The following DNAH1 variants were observed in gnomAD, a reference collection of about 807,000 sequenced individuals.
DNAH1 encodes the protein dynein axonemal heavy chain 1, also known as axonemal beta dynein heavy chain 1.
A neutral mutation model predicts 484.3 loss-of-function variants in DNAH1; 327 were observed. That is an observed-to-expected ratio of 0.68 (90% CI 0.62 to 0.74). DNAH1 has a LOEUF of 0.74. Ranked by LOEUF, DNAH1 falls within the 30% of genes least tolerant of loss-of-function variation. The pLI is 0.00. For missense variants in DNAH1, 5,052 were observed against 5,546.8 expected, an observed-to-expected ratio of 0.91 and a Z score of 2.83; for synonymous variants, 2,192 against 2,191.9, an observed-to-expected ratio of 1.00 and a Z score of 0.00.
At chr3:52,385,945 T>G (rs1382427821) in intron 54 of DNAH1, among the ~76,000 whole-genome samples, 1 of 152,182 alleles carries the variant, frequency 6.6e-6, no homozygotes, top group Non-Finnish European at 1.5e-5. Context: ...TGTGGGGCAC[T>G]TACATCCAAA....
intron 70 of DNAH1, among the ~76,000 whole-genome samples, 199 bp from the exon 71 acceptor site, chr3:52,396,169 G>A (rs1032086694): frequency 1.3e-5 from 2 of 152,046 alleles, no homozygotes; most frequent in African/African-American, 2.4e-5. Flanking sequence ...TCCTGACCTC[G>A]TGATTCGCCT....
rs1306038000 is a variant in DNAH1, at chr3:52,344,658, C to T, written c.1444+11C>T. ...AGGTGCCTGAGCGAGGTGAGGGTCA[C>T]TGGACCAAGATGGGCTCCATGGCCA... On this transcript the variant is annotated intron_variant, in intron 9 of 77. Transcript: ENST00000420323. The T allele has an allele frequency of 1.9e-5, 31 of 1,610,178 alleles. No homozygotes were observed. Among genetic ancestry groups the T allele is most frequent in the Non-Finnish European group, 2.5e-5 (30 of 1,178,876 alleles).
Position 52,394,112 on chromosome 3 carries a change from G to A in DNAH1, c.10627-353G>A, listed in dbSNP as rs140768185. 3.8e-3 allele frequency among the ~76,000 whole-genome samples: 573 copies of A among 152,330 alleles called. 4 individuals are homozygous for A. The highest frequency in any genetic ancestry group is 0.023 in the South Asian group (112 of 4,828). The stretch of plus-strand genomic sequence containing the variant: ...ACTCTCATGAAGCCCTATGCATTTC[G>A]TGGTGCAGCGGAAAGCCCTGCCGAG... On this transcript the variant is annotated intron_variant, in intron 66 of 77. Transcript: ENST00000420323.
intron 3 of DNAH1, among the ~76,000 whole-genome samples, chr3:52,324,716 G>A (rs1036480827): frequency 5.9e-5 from 9 of 152,188 alleles, no homozygotes; most frequent in Admixed American, 2.0e-4. Flanking sequence ...AGTCTCACAA[G>A]TATCTGTGAC....
intron 54 of DNAH1, 105 bp downstream of exon 54, chr3:52,385,552 GCCTCCGTGTGCCCCAGCTT>G: frequency 1.2e-6 from 1 of 840,042 alleles, no homozygotes; most frequent in Non-Finnish European, 1.9e-6. Flanking sequence ...AAGTCATCTG[GCCTCCGTGTGCCCCAGCTT>G]CCTCAATCAG....
chr3:52,311,557 T>G (rs934318409), upstream of DNAH1, among the ~76,000 whole-genome samples: 2 of 152,220 alleles, frequency 1.3e-5, no homozygotes, highest in South Asian at 4.1e-4. Flanking sequence ...AAGCCCAGCC[T>G]TTTTGCATCT....
In DNAH1 at chr3:52,359,990, C is replaced by T; in HGVS notation, c.4482C>T (p.Val1494=). 1 of 1,613,922 alleles carries T rather than the reference C, an allele frequency of 6.2e-7. No homozygotes were observed. The highest frequency in any genetic ancestry group is 8.5e-7 in the Non-Finnish European group (1 of 1,179,900). ...GGGCAGTGCTGTCAGCGCTAATCGT[C>T]ATTGAGGTCCATGCCAAGGACGTGG... ...MQRAVLSALI[V]IEVHAKDVVS... The change falls in exon 27 of 78, where the codon GTC becomes GTT. Residue 1494 remains valine (V), a synonymous_variant. Transcript: ENST00000420323.
Position 52,332,176 on chromosome 3 carries a change from G to T in DNAH1, c.1068G>T (p.Val356=), listed in dbSNP as rs775642456. 1 of 1,581,052 alleles carries T rather than the reference G, an allele frequency of 6.3e-7. No homozygotes were observed. The highest frequency in any genetic ancestry group is 8.6e-7 in the Non-Finnish European group (1 of 1,162,984). The change falls in exon 8 of 78, where the codon GTG becomes GTT. Residue 356 remains valine, a synonymous_variant. Coordinates refer to ENST00000420323, the MANE Select transcript of DNAH1 (RefSeq NM_015512.5). Reference sequence around the variant, plus strand: ...CCCTTCAGGTCTGTCAGTACTGGGTGCCACGGATCCAGCTTCTCTTCTGCG... The same window carrying T: ...CCCTTCAGGTCTGTCAGTACTGGGTTCCACGGATCCAGCTTCTCTTCTGCG... ...RPPLQVCQYW[V]PRIQLLFCAE...
At chr3:52,397,305 C>T (rs893285405) in intron 73 of DNAH1, among the ~76,000 whole-genome samples, 5 of 152,066 alleles carry the variant, frequency 3.3e-5, no homozygotes, top group Non-Finnish European at 7.4e-5. Flanking sequence ...TGGGGCAGCT[C>T]CTCCAAGGCA....
upstream of DNAH1, among the ~76,000 whole-genome samples, chr3:52,315,251 G>T (rs922382094): frequency 6.6e-6 from 1 of 152,174 alleles, no homozygotes; most frequent in African/African-American, 2.4e-5. Flanking sequence ...GATCCTGGGG[G>T]CCCAAGAGGG....
chr3:52,369,998 C>T lies in DNAH1; in HGVS notation c.6117C>T (p.Ala2039=), dbSNP rs746030172. 6.2e-7 allele frequency: 1 copy of T among 1,613,400 alleles called. No homozygotes were observed. Among genetic ancestry groups the T allele is most frequent in the African/African-American group, 1.3e-5 (1 of 75,066 alleles). The part of the protein sequence containing the change: ...LLKPYEEHFK[A]LFVSFLEESI... ...AGCCCTATGAGGAGCATTTCAAGGC[C>T]CTCTTTGTCAGCTTCCTGGAGGTGA... Residue 2039 remains alanine (A), a synonymous_variant, in exon 38 of 78, where the codon GCC becomes GCT. Coordinates refer to ENST00000420323, the MANE Select transcript of DNAH1 (RefSeq NM_015512.5).
chr3:52,332,537 T>C, intron 8 of DNAH1, 143 bp downstream of exon 8: 1 of 1,265,590 alleles, frequency 7.9e-7, no homozygotes, highest in Non-Finnish European at 1.1e-6. Context: ...TCTGGACTTG[T>C]TGGGGCCTCA....
At chr3:52,399,500 C>G in intron 76 of DNAH1, 45 bp from the exon 77 acceptor site, 1 of 1,516,182 alleles carries the variant, frequency 6.6e-7, no homozygotes, top group Non-Finnish European at 9.0e-7. Flanking sequence ...AACCCAGATT[C>G]TGGGTATTGT....
At chr3:52,345,386 G>T in intron 9 of DNAH1, 109 bp from the exon 10 acceptor site, 1 of 918,848 alleles carries the variant, frequency 1.1e-6, no homozygotes, top group Non-Finnish European at 1.7e-6. Flanking sequence ...TCACTCTTCA[G>T]GGAGAAGGCA....
chr3:52,399,846 G>A (rs192216082), intron 77 of DNAH1, 67 bp downstream of exon 77: 1 of 1,485,950 alleles, frequency 6.7e-7, no homozygotes, highest in Non-Finnish European at 9.2e-7. Flanking sequence ...CCCAGCCCAA[G>A]CCAGTCACTT....
intron 70 of DNAH1, among the ~76,000 whole-genome samples, 181 bp from the exon 71 acceptor site, chr3:52,396,187 C>G (rs1704615607): frequency 6.6e-6 from 1 of 152,146 alleles, no homozygotes; most frequent in Non-Finnish European, 1.5e-5. Context: ...CCTGCCTTGG[C>G]CTTCCAAAGT....
intron 47 of DNAH1, 143 bp downstream of exon 47, chr3:52,378,923 A>C: frequency 1.8e-6 from 2 of 1,084,384 alleles, no homozygotes; most frequent in Middle Eastern, 3.1e-4. Context: ...TCCAGAGCCC[A>C]GCCTTGGTGC....
At chr3:52,352,807 C>T in intron 18 of DNAH1, 100 bp downstream of exon 18, 2 of 1,456,398 alleles carry the variant, frequency 1.4e-6, no homozygotes, top group Non-Finnish European at 1.8e-6. Flanking sequence ...CATTTGGGGG[C>T]AGGACCCAGC....
At chr3:52,391,651 C>A in intron 63 of DNAH1, 48 bp downstream of exon 63, 1 of 1,605,376 alleles carries the variant, frequency 6.2e-7, no homozygotes, top group Non-Finnish European at 8.5e-7. Flanking sequence ...CTGCCTCTGC[C>A]TGCCCAGCTG....
Sources: allele counts gnomAD v4.1 joint callset (sites outside exome capture counted in the v4.1 genomes callset), GRCh38; gene constraint gnomAD v4.1.1; transcripts MANE v1.5; gene names NCBI Gene and HGNC (gene_info 2026-07-23, HGNC 2026-07-21).